The following PRRX1 variants were observed in gnomAD, a reference collection of about 807,000 sequenced individuals.
The protein encoded by PRRX1 is paired related homeobox 1.
PRRX1 carries 8 observed loss-of-function variants against 24.0 expected under a neutral mutation model. That is an observed-to-expected ratio of 0.33 (90% CI 0.20 to 0.60). PRRX1 has a LOEUF of 0.60. Among genes scored for constraint, PRRX1 ranks in the 20% least tolerant of loss-of-function variants. PRRX1 has a pLI of 0.82. For synonymous variants in PRRX1, 160 were observed against 131.7 expected, an observed-to-expected ratio of 1.22 and a Z score of -1.47; for missense variants, 281 against 322.4, an observed-to-expected ratio of 0.87 and a Z score of 0.98.
At chr1:170,681,463 G>T (rs939407150) in intron 1 of PRRX1, among the ~76,000 whole-genome samples, 3 of 149,818 alleles carry the variant, frequency 2.0e-5, no homozygotes, top group Non-Finnish European at 4.4e-5. Context: ...AATTAAAACT[G>T]CAGATAATCC....
At chr1:170,730,355 T>C (rs1244296811) in intron 3 of PRRX1, 1 of 1,602,224 alleles carries the variant, frequency 6.2e-7, no homozygotes, top group African/African-American at 1.3e-5. Flanking sequence ...AAAGGTAACT[T>C]GTCAGAGGGG....
rs565535005 is a variant in PRRX1 at position 170,702,973 on chromosome 1, C to G, written c.242-16753C>G. The stretch of plus-strand genomic sequence containing the variant: ...TATAACCATTTGATCAAGAGAAGAA[C>G]AGAAATATCTTGCAGGCTGGAACTT... On this transcript the variant is annotated intron_variant, in intron 1 of 3. Coordinates refer to ENST00000239461, the MANE Select transcript of PRRX1 (RefSeq NM_022716.4). 7.4e-4 allele frequency among the ~76,000 whole-genome samples: 113 copies of G among 152,266 alleles called. 3 individuals are homozygous for G. The highest frequency in any genetic ancestry group is 3.4e-3 in the Middle Eastern group (1 of 294).
intron 1 of PRRX1, among the ~76,000 whole-genome samples, chr1:170,685,664 CTTT>C (rs1653705550): frequency 1.3e-5 from 2 of 151,436 alleles, no homozygotes; most frequent in African/African-American, 4.9e-5. Context: ...TTCTTTCTTT[CTTT>C]CTTTTTTTTT....
intron 1 of PRRX1, among the ~76,000 whole-genome samples, chr1:170,687,559 C>G (rs1653788052): frequency 6.6e-6 from 1 of 152,214 alleles, no homozygotes. Flanking sequence ...CTGAGCCTCA[C>G]TTTCCTTTTC....
At chr1:170,671,492 C>T (rs904425886) in intron 1 of PRRX1, among the ~76,000 whole-genome samples, 19 of 152,250 alleles carry the variant, frequency 1.2e-4, no homozygotes, top group African/African-American at 4.1e-4. Context: ...CGGCGAGCCT[C>T]GCCAGACGCT....
intron 1 of PRRX1, among the ~76,000 whole-genome samples, chr1:170,689,948 G>T (rs1343278069): frequency 6.6e-6 from 1 of 150,890 alleles, no homozygotes; most frequent in Admixed American, 6.6e-5. Flanking sequence ...ACTTTGTAAA[G>T]ATTTGGTTCC....
chr1:170,672,096 G>A (rs1039767351), intron 1 of PRRX1, among the ~76,000 whole-genome samples: 1 of 152,120 alleles, frequency 6.6e-6, no homozygotes, highest in African/African-American at 2.4e-5. Context: ...CAAATCTTGT[G>A]TGAGCCTGCA....
At position 170,666,864 on chromosome 1, in the gene PRRX1, G is replaced by A. The variant is rs1258815378; in HGVS notation, c.241+2405G>A. Among the ~76,000 whole-genome samples the A allele has an allele frequency of 3.9e-5, 6 of 152,182 alleles. No homozygotes were observed. In the East Asian group the frequency reaches 1.2e-3, roughly 30 times the overall value. On this transcript the variant is annotated intron_variant, in intron 1 of 3. Coordinates refer to ENST00000239461, the MANE Select transcript of PRRX1 (RefSeq NM_022716.4). Reference sequence around the variant, plus strand: ...TATGGAGCCGGGCTGGCCAGAGGAAGCTAGCTATGGAGCGCCCCCGAGCAG... The same window carrying A: ...TATGGAGCCGGGCTGGCCAGAGGAAACTAGCTATGGAGCGCCCCCGAGCAG...
At chr1:170,724,469 A>C (rs1287398606) in intron 2 of PRRX1, among the ~76,000 whole-genome samples, 1 of 152,158 alleles carries the variant, frequency 6.6e-6, no homozygotes, top group East Asian at 1.9e-4. Flanking sequence ...TATATGGTGT[A>C]ACAAAGAGGT....
intron 1 of PRRX1, among the ~76,000 whole-genome samples, chr1:170,671,231 A>C (rs1653131320): frequency 6.6e-6 from 1 of 152,228 alleles, no homozygotes. Context: ...TGCAGTAATA[A>C]AGTTGACATA....
rs773280049 is a variant in PRRX1 at position 170,726,265 on chromosome 1, G to A, written c.463G>A (p.Ala155Thr). Residue 155 changes from alanine to threonine, a missense_variant, in exon 3 of 4, where the codon GCC becomes ACC. Coordinates refer to ENST00000239461, the MANE Select transcript of PRRX1 (RefSeq NM_022716.4). Reference sequence around the variant, plus strand: ...AGCCAAGTTCCGCAGGAATGAGAGAGCCATGCTAGCCAATAAAAACGCTTC... The same window carrying A: ...AGCCAAGTTCCGCAGGAATGAGAGAACCATGCTAGCCAATAAAAACGCTTC... ...RRAKFRRNER[A>T]MLANKNASLL... The A allele has an allele frequency of 4.4e-5, 71 of 1,614,076 alleles. 3 individuals carry two copies. In the South Asian group the frequency reaches 7.5e-4, roughly 17 times the overall value.
intron 1 of PRRX1, among the ~76,000 whole-genome samples, chr1:170,690,497 G>A (rs767449181): frequency 6.6e-5 from 10 of 152,116 alleles, no homozygotes; most frequent in Non-Finnish European, 8.8e-5. Context: ...TGTGTGGTGC[G>A]TATGAGAAAG....
chr1:170,717,987 G>A (rs1051536862), intron 1 of PRRX1, among the ~76,000 whole-genome samples: 1 of 152,176 alleles, frequency 6.6e-6, no homozygotes, highest in Non-Finnish European at 1.5e-5. Context: ...TGTCACAGAA[G>A]TGCCACCAAA....
chr1:170,730,838 A>G (rs1206852396), intron 3 of PRRX1, among the ~76,000 whole-genome samples: 3 of 152,126 alleles, frequency 2.0e-5, no homozygotes, highest in African/African-American at 7.2e-5. Context: ...TAATCTCCCT[A>G]TTGCTTATTT....
At chr1:170,708,199 C>G (rs1362999916) in intron 1 of PRRX1, among the ~76,000 whole-genome samples, 4 of 152,154 alleles carry the variant, frequency 2.6e-5, no homozygotes, top group East Asian at 1.9e-4. Flanking sequence ...TCATAGATTT[C>G]CACTCCAGGC....
intron 1 of PRRX1, among the ~76,000 whole-genome samples, chr1:170,684,586 G>A (rs1037063950): frequency 6.6e-6 from 1 of 152,050 alleles, no homozygotes; most frequent in Admixed American, 6.5e-5. Flanking sequence ...AACCTCATCT[G>A]TACTAAAAAT....
upstream of PRRX1, chr1:170,663,467 C>T (rs1001281543): frequency 1.4e-5 from 2 of 138,692 alleles, no homozygotes; most frequent in African/African-American, 2.7e-5. Context: ...CACCCTCCGT[C>T]GGACTCTTGA....
At chr1:170,727,436 A>C (rs1364729699) in intron 3 of PRRX1, 1 of 152,296 alleles carries the variant, frequency 6.6e-6, no homozygotes, top group East Asian at 1.9e-4. Context: ...AAATTCATTT[A>C]TTATGCTTTT....
chr1:170,720,981 A>G (rs1374656267), intron 2 of PRRX1, among the ~76,000 whole-genome samples: 3 of 152,224 alleles, frequency 2.0e-5, no homozygotes, highest in African/African-American at 7.2e-5. Context: ...AGTGATGTGG[A>G]TAGTGTTCTT....
Sources: allele counts gnomAD v4.1 joint callset (sites outside exome capture counted in the v4.1 genomes callset), GRCh38; gene constraint gnomAD v4.1.1; transcripts MANE v1.5; gene names NCBI Gene and HGNC (gene_info 2026-07-23, HGNC 2026-07-21).